The following BAG4 variants were observed in gnomAD, a reference collection of about 807,000 sequenced individuals.
BAG4 encodes BAG cochaperone 4.
BAG4 carries 28 observed loss-of-function variants against 52.1 expected under a neutral mutation model. The observed-to-expected ratio is 0.54, with a 90% confidence interval of 0.40 to 0.74. The LOEUF (loss-of-function observed/expected upper bound fraction) is 0.74, where lower values mean the gene tolerates loss of function less well. BAG4 is among the 30% of genes least tolerant of loss of function. The pLI, the probability that BAG4 is intolerant of heterozygous loss-of-function variation, is 0.00. For synonymous variants in BAG4, 208 were observed against 217.0 expected, an observed-to-expected ratio of 0.96 and a Z score of 0.37; for missense variants, 525 against 572.0, an observed-to-expected ratio of 0.92 and a Z score of 0.84.
intron 2 of BAG4, among the ~76,000 whole-genome samples, chr8:38,202,430 T>C (rs1349360158): frequency 6.6e-6 from 1 of 152,180 alleles, no homozygotes; most frequent in Non-Finnish European, 1.5e-5. Flanking sequence ...CATTCCCAGC[T>C]AATTTTTGTA....
At chr8:38,178,129 T>G (rs1458652775) in intron 1 of BAG4, among the ~76,000 whole-genome samples, 1 of 151,700 alleles carries the variant, frequency 6.6e-6, no homozygotes, top group Non-Finnish European at 1.5e-5. Context: ...TTATTCATAA[T>G]CGCCAAAAAG....
chr8:38,187,827 T>C (rs1212192678), intron 1 of BAG4, among the ~76,000 whole-genome samples: 7 of 147,724 alleles, frequency 4.7e-5, no homozygotes, highest in Non-Finnish European at 1.0e-4. Context: ...TCGAGACCAT[T>C]CTGGCTAACA....
At chr8:38,182,987 AACCACCACC>A (rs111353274) in intron 1 of BAG4, among the ~76,000 whole-genome samples, 18 of 149,136 alleles carry the variant, frequency 1.2e-4, no homozygotes, top group Middle Eastern at 3.4e-3. Flanking sequence ...ACAATTACAT[AACCACCACC>A]ACCACCACCA....
chr8:38,208,038 G>A lies in BAG4; in HGVS notation c.633+272G>A, dbSNP rs553094091. 9.8e-4 allele frequency among the ~76,000 whole-genome samples: 145 copies of A among 147,314 alleles called. 2 individuals are homozygous for A. The highest frequency in any genetic ancestry group is 5.3e-3 in the Admixed American group (78 of 14,784). ...TTAGCCTTTTTTTTTTTTTTGTGGCGTGATCTTGGCTCACTGCAACCTCTA... is the reference window on the plus strand; with the variant it reads ...TTAGCCTTTTTTTTTTTTTTGTGGCATGATCTTGGCTCACTGCAACCTCTA... On this transcript the variant is annotated intron_variant, in intron 3 of 4. Transcript: ENST00000287322.
chr8:38,198,650 G>T (rs201621680), intron 2 of BAG4, among the ~76,000 whole-genome samples: 1 of 151,222 alleles, frequency 6.6e-6, no homozygotes, highest in South Asian at 2.1e-4. Flanking sequence ...CACCACGCCC[G>T]GCTAATTTTT....
chr8:38,191,911 C>T (rs749900480), intron 1 of BAG4, among the ~76,000 whole-genome samples: 14 of 152,032 alleles, frequency 9.2e-5, no homozygotes, highest in Non-Finnish European at 1.9e-4. Context: ...TGGCTTATTG[C>T]AAATCATGCG....
chr8:38,180,603 C>CT (rs560012350), intron 1 of BAG4, among the ~76,000 whole-genome samples: 6 of 142,758 alleles, frequency 4.2e-5, no homozygotes, highest in African/African-American at 1.0e-4. Context: ...GTTATTTTGA[C>CT]TTTTTTTTAT....
intron 1 of BAG4, among the ~76,000 whole-genome samples, chr8:38,179,910 A>G (rs1803234859): frequency 2.0e-5 from 3 of 152,162 alleles, no homozygotes; most frequent in African/African-American, 7.2e-5. Flanking sequence ...AGGACCTCTA[A>G]ACTGATGACT....
In BAG4 at chr8:38,210,131, C is replaced by G; in HGVS notation, c.1012C>G (p.Gln338Glu). ...TGATGATTCAGATCTTTTGGATTCC[C>G]AAGTCCAGTATAGTGCTGAGCCTCA... The part of the protein sequence containing the change: ...NNDDSDLLDS[Q>E]VQYSAEPQLY... The change falls in exon 5 of 5, where the codon CAA (glutamine) becomes GAA (glutamate). Residue 338 changes from glutamine (Q) to glutamate (E), a missense_variant. By Grantham distance (29) the Gln-to-Glu change is conservative (BLOSUM62 2). Around this residue, in one of 2 missense-constraint regions of BAG4, gnomAD observed 238 missense variants for 305.8 expected, o/e 0.78. Coordinates refer to ENST00000287322, the MANE Select transcript of BAG4 (RefSeq NM_004874.4). 2 of 1,614,102 alleles carry G rather than the reference C, an allele frequency of 1.2e-6. No homozygotes were observed. Among genetic ancestry groups the G allele is most frequent in the African/African-American group, 2.7e-5 (2 of 75,028 alleles).
At chr8:38,179,777 A>T (rs924727021) in intron 1 of BAG4, among the ~76,000 whole-genome samples, 1 of 152,040 alleles carries the variant, frequency 6.6e-6, no homozygotes, top group Non-Finnish European at 1.5e-5. Flanking sequence ...AAAAAAAAAA[A>T]TAAAGAAAGA....
At chr8:38,183,767 C>T (rs1803315185) in intron 1 of BAG4, among the ~76,000 whole-genome samples, 1 of 152,004 alleles carries the variant, frequency 6.6e-6, no homozygotes, top group Non-Finnish European at 1.5e-5. Flanking sequence ...AAGCTATCCT[C>T]CCGCCTCTGC....
chr8:38,190,117 T>C (rs1277407314), intron 1 of BAG4, among the ~76,000 whole-genome samples: 3 of 152,190 alleles, frequency 2.0e-5, no homozygotes, highest in Non-Finnish European at 4.4e-5. Flanking sequence ...GAGTTTGTAA[T>C]GACACCACCA....
chr8:38,189,460 C>T (rs1459691250), intron 1 of BAG4, among the ~76,000 whole-genome samples: 2 of 152,112 alleles, frequency 1.3e-5, no homozygotes, highest in African/African-American at 2.4e-5. Flanking sequence ...GTTATGTTAC[C>T]AACTTGATTG....
Position 38,177,100 on chromosome 8 carries a change from C to T in BAG4, c.231C>T (p.Gly77=). ...GCGATGGCTACTATCCCTCGGGAGG[C>T]GCCTGGCCAGAGCCTGGTCGAGCCG... ...GGGDGYYPSG[G]AWPEPGRAGG... is the part of the protein sequence containing the mutation. Residue 77 remains glycine, a synonymous_variant, in exon 1 of 5, where the codon GGC becomes GGT. Coordinates refer to ENST00000287322, the MANE Select transcript of BAG4 (RefSeq NM_004874.4). 1 of 1,612,728 alleles carries T rather than the reference C, an allele frequency of 6.2e-7. No individual in the cohort carries two copies. The highest frequency in any genetic ancestry group is 8.5e-7 in the Non-Finnish European group (1 of 1,179,890).
chr8:38,190,599 C>CT (rs1563281205), intron 1 of BAG4, among the ~76,000 whole-genome samples: 1 of 136,330 alleles, frequency 7.3e-6, no homozygotes, highest in Non-Finnish European at 1.6e-5. Context: ...GCCCACCTGA[C>CT]ATTTTTTTTT....
At position 38,201,880 on chromosome 8, in the gene BAG4, A is replaced by ATTT. The variant is rs869085692; in HGVS notation, c.379-5605_379-5603dup. 44 of 7,516 alleles carry ATTT rather than the reference A, an allele frequency of 5.9e-3. 3 individuals are homozygous for ATTT. The highest frequency in any genetic ancestry group is 9.8e-3 in the South Asian group (1 of 102). 0.5% of individuals were successfully genotyped at this position (7,516 alleles called of 1,614,324 possible). A position where few individuals can be genotyped will look rare whatever the true frequency, so the allele number is the denominator to read the frequency against. On this transcript the variant is annotated intron_variant, in intron 2 of 4. Transcript: ENST00000287322. ...TATATATATATATATATATATATAT[A>ATTT]TTTTTTTTTTTTTTTTTTTTTTTTT...
chr8:38,206,121 C>A (rs895224055), intron 2 of BAG4, among the ~76,000 whole-genome samples: 1 of 150,910 alleles, frequency 6.6e-6, no homozygotes, highest in African/African-American at 2.4e-5. Flanking sequence ...AATCCCATCT[C>A]TACTAAAAGT....
rs371081339 is a variant in BAG4 at position 38,210,288 on chromosome 8, T to C, written c.1169T>C (p.Val390Ala). 4 of 1,613,908 alleles carry C rather than the reference T, an allele frequency of 2.5e-6. No homozygotes were observed. The highest frequency in any genetic ancestry group is 2.7e-5 in the African/African-American group (2 of 74,876). ...IKKIIHVLEK[V>A]QYLEQEVEEF... ...AAAATCATACATGTGCTGGAGAAGG[T>C]CCAGTATCTTGAACAAGAAGTAGAA... is the stretch of plus-strand genomic sequence containing the variant. Residue 390 changes from valine (V) to alanine (A), a missense_variant, in exon 5 of 5, where the codon GTC becomes GCC. By Grantham distance (64) the Val-to-Ala change is moderately conservative (BLOSUM62 0). This residue lies in a region of BAG4 where 238 missense variants were observed against 305.8 expected (regional missense o/e 0.78). Coordinates refer to ENST00000287322, the MANE Select transcript of BAG4 (RefSeq NM_004874.4).
At chr8:38,186,704 T>G (rs1803371153) in intron 1 of BAG4, among the ~76,000 whole-genome samples, 1 of 152,144 alleles carries the variant, frequency 6.6e-6, no homozygotes, top group Non-Finnish European at 1.5e-5. Context: ...GTGGAGCAAT[T>G]TATGCCTCAG....
Sources: gnomAD v4.1 joint callset for allele counts (sites outside exome capture counted in the v4.1 genomes callset) on GRCh38, gnomAD v4.1.1 for gene constraint, gnomAD v4.1.1 regional missense constraint, MANE v1.5 for transcripts, NCBI Gene and HGNC (gene_info 2026-07-23, HGNC 2026-07-21) for gene names.